CPEB2: variants seen among roughly 807,000 people sequenced by gnomAD.
The protein encoded by CPEB2 is cytoplasmic polyadenylation element-binding protein 2.
CPEB2 carries 56 observed loss-of-function variants against 93.6 expected under a neutral mutation model. The observed-to-expected ratio is 0.60, with a 90% CI of 0.48 to 0.75. CPEB2 has a LOEUF of 0.75. CPEB2 is among the 30% of genes least tolerant of loss of function. The probability of loss-of-function intolerance (pLI) is 0.00; values close to 1 mark genes in which losing one functional copy is unlikely to be tolerated. For missense variants in CPEB2, 1,579 were observed against 1,395.1 expected, an observed-to-expected ratio of 1.13 and a Z score of -2.10; for synonymous variants, 764 against 586.3, an observed-to-expected ratio of 1.30 and a Z score of -4.38.
At chr4:15,023,778 A>T (rs1268971834) in intron 4 of CPEB2, among the ~76,000 whole-genome samples, 3 of 150,882 alleles carry the variant, frequency 2.0e-5, no homozygotes, top group African/African-American at 7.3e-5. Context: ...TTATGTAATT[A>T]TTTGTAAATA....
chr4:15,063,999 A>G (rs964218804), intron 11 of CPEB2: 5 of 152,152 alleles, frequency 3.3e-5, no homozygotes, highest in African/African-American at 1.2e-4. Context: ...TCTCTCCAAT[A>G]TGAATATGGT....
intron 4 of CPEB2, among the ~76,000 whole-genome samples, chr4:15,030,564 G>A (rs1312657914): frequency 6.6e-6 from 1 of 152,016 alleles, no homozygotes; most frequent in Non-Finnish European, 1.5e-5. Flanking sequence ...TTTAGCGAAA[G>A]TACTTTTAAT....
chr4:15,010,399 G>A (rs1023971723), intron 3 of CPEB2: 2 of 152,170 alleles, frequency 1.3e-5, no homozygotes, highest in Non-Finnish European at 2.9e-5. Context: ...AGGGTCTTAG[G>A]CATTAGTCTA....
Position 15,008,376 on chromosome 4 carries a change from T to C in CPEB2, c.1983T>C (p.Asp661=). The stretch of plus-strand genomic sequence containing the variant: ...TGCAGTTGCCAGCTTGGGGCTCAGA[T>C]TCACTCCAAGATAGTTGGTGCACTG... ...SSLQLPAWGS[D]SLQDSWCTAA... Residue 661 remains aspartate, a synonymous_variant, in exon 3 of 12, where the codon GAT becomes GAC. Transcript: ENST00000538197. 6.2e-7 allele frequency: 1 copy of C among 1,614,008 alleles called. No homozygotes were observed.
At chr4:15,061,042 AT>A (rs1729145161) in intron 10 of CPEB2, among the ~76,000 whole-genome samples, 2 of 152,262 alleles carry the variant, frequency 1.3e-5, no homozygotes, top group Admixed American at 1.3e-4. Flanking sequence ...GCAGAAACTC[AT>A]TGGAGCAGGT....
At position 15,037,032 on chromosome 4, in the gene CPEB2, A is replaced by G. The variant is rs192603113; in HGVS notation, c.2177-3432A>G. On this transcript the variant is annotated intron_variant, in intron 5 of 11. Coordinates refer to ENST00000538197, the MANE Select transcript of CPEB2 (RefSeq NM_001177382.2). ...GACTATCATTTAGGGCCCGGGCGCA[A>G]TGGCTCACGCCTGTAATCCTAGCAC... Among the ~76,000 whole-genome samples, 451 of 152,092 alleles carry G rather than the reference A, an allele frequency of 3.0e-3. 5 individuals are homozygous for G. Among genetic ancestry groups the G allele is most frequent in the African/African-American group, 0.011 (443 of 41,498 alleles).
rs1189765186 is a variant in CPEB2, at chr4:15,002,911, G to T, written c.238G>T (p.Ala80Ser). 6.6e-6 allele frequency: 10 copies of T among 1,507,718 alleles called. 1 individual carries two copies. The East Asian group carries it at 7.5e-5, about 11-fold the overall frequency. The allele number at this position is 1,507,718 out of a possible 1,614,324, so 93.4% of individuals were successfully genotyped here. The change falls in exon 1 of 12, where the codon GCT becomes TCT. Residue 80 changes from alanine to serine, a missense_variant. Coordinates refer to ENST00000538197, the MANE Select transcript of CPEB2 (RefSeq NM_001177382.2). ...GGGAGSPAAAASSSSPFLAHQ... is the reference protein window; with the variant it reads ...GGGAGSPAAASSSSSPFLAHQ... ...CGGCGCGGGCAGCCCGGCCGCCGCC[G>T]CTTCCTCTTCCTCCCCGTTCCTGGC... is the stretch of plus-strand genomic sequence containing the variant.
At position 15,002,638 on chromosome 4, in the gene CPEB2, G is replaced by T; in HGVS notation, c.-36G>T. On this transcript the variant is annotated 5_prime_UTR_variant, in exon 1 of 12. Transcript: ENST00000538197. ...CGGCTTCCTAGGTGGGGCAGGGGAC[G>T]AGGAGCGTCTCCTCCCGCTGCCGGC... 6.8e-7 allele frequency: 1 copy of T among 1,463,962 alleles called. No individual in the cohort carries two copies. Among genetic ancestry groups the T allele is most frequent in the South Asian group, 1.3e-5 (1 of 74,980 alleles). 90.7% of individuals were successfully genotyped at this position (1,463,962 alleles called of 1,614,324 possible).
intron 8 of CPEB2, among the ~76,000 whole-genome samples, chr4:15,055,825 G>C (rs1728664976): frequency 6.6e-6 from 1 of 152,044 alleles, no homozygotes; most frequent in Non-Finnish European, 1.5e-5. Flanking sequence ...GTGCTTTTAT[G>C]TATGATACTC....
chr4:15,013,691 A>G (rs949875446), intron 3 of CPEB2, among the ~76,000 whole-genome samples: 1 of 152,086 alleles, frequency 6.6e-6, no homozygotes. Flanking sequence ...TATAGGTTTC[A>G]TTAAATTCAA....
chr4:15,050,183 G>C (rs1481940542), intron 6 of CPEB2, among the ~76,000 whole-genome samples: 1 of 152,202 alleles, frequency 6.6e-6, no homozygotes, highest in South Asian at 2.1e-4. Flanking sequence ...GCCTGCCTGA[G>C]CTCCACCTCC....
intron 4 of CPEB2, among the ~76,000 whole-genome samples, chr4:15,023,603 T>A (rs1032694421): frequency 6.6e-6 from 1 of 151,984 alleles, no homozygotes; most frequent in Non-Finnish European, 1.5e-5. Context: ...GTTAACTTTT[T>A]TAAAAAATTA....
chr4:15,049,191 T>G (rs181199253), intron 6 of CPEB2, among the ~76,000 whole-genome samples: 16 of 152,216 alleles, frequency 1.1e-4, no homozygotes, highest in Admixed American at 8.5e-4. Flanking sequence ...AACAAAAAGT[T>G]TGAGTCACTT....
chr4:15,008,540 G>A (rs1440758621), intron 3 of CPEB2, 113 bp downstream of exon 3: 1 of 545,994 alleles, frequency 1.8e-6, no homozygotes, highest in East Asian at 3.3e-5. Flanking sequence ...ATATGTTAGA[G>A]GACACTGAAG....
intron 6 of CPEB2, among the ~76,000 whole-genome samples, chr4:15,048,384 G>A (rs913975411): frequency 1.6e-4 from 24 of 151,572 alleles, no homozygotes; most frequent in Non-Finnish European, 2.1e-4. Context: ...TTTAAGTTAT[G>A]ACTTTCATTT....
chr4:15,032,121 A>G (rs1040702846), intron 4 of CPEB2, among the ~76,000 whole-genome samples: 1 of 152,188 alleles, frequency 6.6e-6, no homozygotes, highest in African/African-American at 2.4e-5. Flanking sequence ...GTTGAGAGAC[A>G]GGGTCTTGCC....
rs370002891 is a variant in CPEB2, at chr4:15,004,052, C to T, written c.1379C>T (p.Ala460Val). 4.5e-5 allele frequency: 71 copies of T among 1,566,700 alleles called. No homozygotes were observed. Among genetic ancestry groups the T allele is most frequent in the Non-Finnish European group, 5.1e-5 (59 of 1,159,264 alleles). ...GGGCTGCCGTCGTCCATGAACCCGG[C>T]CTTCTTCCCTAGCTTCTCGCCCGTG... is the stretch of plus-strand genomic sequence containing the variant. ...YPGLPSSMNP[A>V]FFPSFSPVSP... Residue 460 changes from alanine (A) to valine (V), a missense_variant, in exon 1 of 12, where the codon GCC becomes GTC. Coordinates refer to ENST00000538197, the MANE Select transcript of CPEB2 (RefSeq NM_001177382.2).
chr4:15,017,093 T>G (rs1724240645), intron 3 of CPEB2, 95 bp from the exon 4 acceptor site: 2 of 684,036 alleles, frequency 2.9e-6, no homozygotes, highest in Non-Finnish European at 2.6e-6. Context: ...TAATCAGAAG[T>G]CCTATTTTAT....
intron 8 of CPEB2, among the ~76,000 whole-genome samples, chr4:15,054,685 C>T (rs754016393): frequency 3.9e-5 from 6 of 151,964 alleles, no homozygotes; most frequent in Non-Finnish European, 8.8e-5. Flanking sequence ...GCTAGGAAGA[C>T]ACCGTGGCTG....
Sources: gnomAD v4.1 joint callset for allele counts (sites outside exome capture counted in the v4.1 genomes callset) on GRCh38, gnomAD v4.1.1 for gene constraint, MANE v1.5 for transcripts, NCBI Gene and HGNC (gene_info 2026-07-23, HGNC 2026-07-21) for gene names.